The following GSPT1 variants were observed in gnomAD, a reference collection of about 807,000 sequenced individuals.
GSPT1 encodes the protein G1 to S phase transition 1.
GSPT1 carries 20 observed loss-of-function variants against 72.5 expected under a neutral mutation model. The ratio of observed to expected loss-of-function variants is 0.28; its 90% CI spans 0.19 to 0.40. GSPT1 has a LOEUF of 0.40. Ranked by LOEUF, GSPT1 falls within the 10% of genes least tolerant of loss-of-function variation. The pLI is 1.00. For missense variants in GSPT1, 580 were observed against 811.9 expected, an observed-to-expected ratio of 0.71 and a Z score of 3.47; for synonymous variants, 334 against 293.5, an observed-to-expected ratio of 1.14 and a Z score of -1.41.
At chr16:11,914,521 C>G (rs999082818) in intron 1 of GSPT1, among the ~76,000 whole-genome samples, 1 of 152,200 alleles carries the variant, frequency 6.6e-6, no homozygotes, top group East Asian at 1.9e-4. Context: ...AACAAATGCT[C>G]AAGTGTCTGA....
At chr16:11,874,886 C>T (rs963537528) in intron 14 of GSPT1, among the ~76,000 whole-genome samples, 5 of 152,118 alleles carry the variant, frequency 3.3e-5, no homozygotes, top group African/African-American at 1.2e-4. Context: ...AAATGGTTAT[C>T]TAAGTTAGAA....
rs751551212 is a variant in GSPT1 at position 11,894,938 on chromosome 16, A to G, written c.698+16T>C. 3.3e-6 allele frequency: 5 copies of G among 1,511,276 alleles called. No homozygotes were observed. Among genetic ancestry groups the G allele is most frequent in the Non-Finnish European group, 4.6e-6 (5 of 1,096,892 alleles). 93.6% of individuals were successfully genotyped at this position (1,511,276 alleles called of 1,614,324 possible). A position where few individuals can be genotyped will look rare whatever the true frequency, so the allele number is the denominator to read the frequency against. ...ATCAATTTAACTCTGTTATTTAACA[A>G]AAGATACAGACTTACATTATTTGTC... On this transcript the variant is annotated intron_variant, in intron 5 of 14. Coordinates refer to ENST00000434724, the MANE Select transcript of GSPT1 (RefSeq NM_002094.4).
chr16:11,897,800 T>C, intron 3 of GSPT1, 40 bp downstream of exon 3: 1 of 1,013,250 alleles, frequency 9.9e-7, no homozygotes, highest in Non-Finnish European at 1.5e-6. Context: ...AGTGAAAGAG[T>C]TTCATATTAC....
At position 11,915,556 on chromosome 16, in the gene GSPT1, C is replaced by T; in HGVS notation, c.165G>A (p.Glu55=). The T allele has an allele frequency of 6.7e-7, 1 of 1,494,106 alleles. No homozygotes were observed. Among genetic ancestry groups the T allele is most frequent in the Non-Finnish European group, 8.9e-7 (1 of 1,121,788 alleles). 92.6% of individuals were successfully genotyped at this position (1,494,106 alleles called of 1,614,324 possible). A position where few individuals can be genotyped will look rare whatever the true frequency, so the allele number is the denominator to read the frequency against. The change falls in exon 1 of 15, where the codon GAG becomes GAA. Residue 55 remains glutamate, a synonymous_variant. Transcript: ENST00000434724. ...GGGGSLAAAA[E]AQRENLSAAF... is the part of the protein sequence containing the mutation. ...CCGCGCTGAGGTTCTCCCGCTGGGC[C>T]TCGGCCGCCGCCGCCAGGGAGCCGC... is the stretch of plus-strand genomic sequence containing the variant.
upstream of GSPT1, chr16:11,916,101 G>C (rs1486676098): frequency 6.3e-6 from 3 of 475,616 alleles, no homozygotes; most frequent in Non-Finnish European, 8.0e-6. Context: ...AGCGCGGCGG[G>C]AGGTGGAACT....
chr16:11,886,346 A>G, intron 9 of GSPT1, 125 bp downstream of exon 9: 1 of 606,106 alleles, frequency 1.6e-6, no homozygotes, highest in South Asian at 3.1e-5. Context: ...ATATTTTCTT[A>G]AATTACTTAT....
rs2054626496 is a variant in GSPT1 at position 11,915,688 on chromosome 16, G to GCCA, written c.32_33insTGG (p.Gly16dup). On this transcript the variant is annotated inframe_insertion, in exon 1 of 15. Transcript: ENST00000434724. The stretch of plus-strand genomic sequence containing the variant: ...CGCTGCTGCTCCCGCCGCCGCCGCC[G>GCCA]CCGCCGCCGCCGCCGCCACTGCCCG... 2.0e-6 allele frequency: 3 copies of GCCA among 1,479,160 alleles called. No individual in the cohort carries two copies. The highest frequency in any genetic ancestry group is 2.7e-6 in the Non-Finnish European group (3 of 1,119,624). The allele number at this position is 1,479,160 out of a possible 1,614,324, so 91.6% of individuals were successfully genotyped here.
chr16:11,915,815 G>A lies in GSPT1; in HGVS notation c.-95C>T. The A allele has an allele frequency of 6.4e-7, 1 of 1,560,836 alleles. No individual in the cohort carries two copies. Among genetic ancestry groups the A allele is most frequent in the Non-Finnish European group, 8.7e-7 (1 of 1,151,636 alleles). The stretch of plus-strand genomic sequence containing the variant: ...AGTGGGCAACGCTGACTGAGGGAAG[G>A]CGGCGGGGCAGAAGGGCCGGGAGCT... On this transcript the variant is annotated 5_prime_UTR_variant, in exon 1 of 15. Transcript: ENST00000434724.
intron 1 of GSPT1, chr16:11,915,013 T>C: frequency 7.8e-7 from 1 of 1,289,810 alleles, no homozygotes; most frequent in Non-Finnish European, 1.0e-6. Flanking sequence ...GCTCCATCTG[T>C]CCTCATTCTG....
upstream of GSPT1, chr16:11,916,045 C>A: frequency 1.6e-6 from 1 of 619,926 alleles, no homozygotes; most frequent in South Asian, 1.4e-5. Context: ...CCCGTACCTT[C>A]GCCTCGGTAG....
At position 11,885,872 on chromosome 16, in the gene GSPT1, C is replaced by T. The variant is rs9935077; in HGVS notation, c.1254-598G>A. On this transcript the variant is annotated intron_variant, in intron 9 of 14. Transcript: ENST00000434724. ...TGCCACTGCACTCCAGCCTGGTTAA[C>T]AGAGTGAAAACCTGTTTCAAAAAAA... Among the ~76,000 whole-genome samples, 218 of 152,102 alleles carry T rather than the reference C, an allele frequency of 1.4e-3. 1 individual carries two copies. Among genetic ancestry groups the T allele is most frequent in the African/African-American group, 5.1e-3 (210 of 41,486 alleles).
intron 5 of GSPT1, among the ~76,000 whole-genome samples, chr16:11,892,507 A>AAAAAAAAAAAAAATAAT (rs2054274795): frequency 1.3e-5 from 1 of 75,236 alleles, no homozygotes; most frequent in African/African-American, 7.0e-5. Flanking sequence ...ACCCTTTCTC[A>AAAAAAAAAAAAAATAAT]AAAAAACAAA....
chr16:11,895,602 A>G (rs1004089045), intron 4 of GSPT1: 2 of 152,364 alleles, frequency 1.3e-5, no homozygotes, highest in Non-Finnish European at 2.9e-5. Flanking sequence ...TTTCACTTAC[A>G]GCAAATGAGG....
At chr16:11,915,313 A>G in intron 1 of GSPT1, 56 bp downstream of exon 1, 1 of 1,410,866 alleles carries the variant, frequency 7.1e-7, no homozygotes, top group Non-Finnish European at 9.2e-7. Context: ...CCGCACCCCT[A>G]CGCCATGTGG....
chr16:11,886,352 CT>C, intron 9 of GSPT1, 118 bp downstream of exon 9: 1 of 617,036 alleles, frequency 1.6e-6, no homozygotes, highest in Non-Finnish European at 2.7e-6. Flanking sequence ...TCTTAAATTA[CT>C]TATAAAGATA....
intron 4 of GSPT1, chr16:11,895,508 G>T (rs116661059): frequency 6.6e-6 from 1 of 151,892 alleles, no homozygotes; most frequent in Non-Finnish European, 1.5e-5. Flanking sequence ...AAAGCACAGC[G>T]GCAACAGACT....
chr16:11,891,876 G>T (rs1462771049), intron 5 of GSPT1, among the ~76,000 whole-genome samples: 1 of 150,876 alleles, frequency 6.6e-6, no homozygotes, highest in Non-Finnish European at 1.5e-5. Flanking sequence ...GGTCAGGCTG[G>T]TCTCGAACTC....
chr16:11,911,803 C>CG (rs1170456662), intron 1 of GSPT1, among the ~76,000 whole-genome samples: 1 of 149,022 alleles, frequency 6.7e-6, no homozygotes, highest in Non-Finnish European at 1.5e-5. Context: ...CCGTCCACCT[C>CG]GGCCTCCCAA....
chr16:11,884,184 G>A (rs1242585219), intron 10 of GSPT1, among the ~76,000 whole-genome samples: 1 of 151,960 alleles, frequency 6.6e-6, no homozygotes, highest in African/African-American at 2.4e-5. Context: ...TTTTTAAGAC[G>A]AACATCCAGT....
Sources: allele counts gnomAD v4.1 joint callset (sites outside exome capture counted in the v4.1 genomes callset), GRCh38; gene constraint gnomAD v4.1.1; transcripts MANE v1.5; gene names NCBI Gene and HGNC (gene_info 2026-07-23, HGNC 2026-07-21).